Variants in CSMD1 observed in about 807,000 individuals in gnomAD.
CSMD1 encodes the protein CUB and Sushi multiple domains 1.
CSMD1 carries 213 observed loss-of-function variants against 417.5 expected under a neutral mutation model. The ratio of observed to expected loss-of-function variants is 0.51; its 90% CI spans 0.46 to 0.57. The LOEUF is 0.57. CSMD1 is among the 20% of genes least tolerant of loss of function. The probability of loss-of-function intolerance (pLI) is 0.00; values close to 1 mark genes in which losing one functional copy is unlikely to be tolerated. For missense variants in CSMD1, 6,923 were observed against 4,529.7 expected (o/e 1.53, Z -15.17); for synonymous variants, 2,862 against 1,736.8 (o/e 1.65, Z -16.11).
At chr8:4,252,165 G>A (rs1056789138) in intron 3 of CSMD1, among the ~76,000 whole-genome samples, 1 of 152,066 alleles carries the variant, frequency 6.6e-6, no homozygotes, top group African/African-American at 2.4e-5. Flanking sequence ...AGGATATATA[G>A]AAAGCTGGGG....
chr8:4,905,395 T>G (rs1805178199), intron 1 of CSMD1, among the ~76,000 whole-genome samples: 1 of 152,080 alleles, frequency 6.6e-6, no homozygotes, highest in African/African-American at 2.4e-5. Flanking sequence ...ATTTACACAG[T>G]GTATATTTAT....
At chr8:3,629,826 C>A (rs983213345) in intron 7 of CSMD1, among the ~76,000 whole-genome samples, 1 of 152,184 alleles carries the variant, frequency 6.6e-6, no homozygotes, top group Admixed American at 6.5e-5. Context: ...TTCGGTCCGT[C>A]AGAAACACAG....
intron 26 of CSMD1, among the ~76,000 whole-genome samples, chr8:3,248,220 C>A (rs183392462): frequency 6.6e-6 from 1 of 152,220 alleles, no homozygotes; most frequent in East Asian, 1.9e-4. Flanking sequence ...TCATTAAAAC[C>A]TTTACTGTAA....
chr8:3,520,890 C>A (rs1198493298), intron 10 of CSMD1, among the ~76,000 whole-genome samples: 1 of 152,146 alleles, frequency 6.6e-6, no homozygotes, highest in Non-Finnish European at 1.5e-5. Flanking sequence ...GTGTCTAGCA[C>A]TGGAACCTCC....
chr8:4,437,944 T>C (rs1338910667), intron 2 of CSMD1, among the ~76,000 whole-genome samples: 1 of 152,156 alleles, frequency 6.6e-6, no homozygotes, highest in African/African-American at 2.4e-5. Flanking sequence ...AGTAATTCTC[T>C]AAGTGTTTTC....
chr8:3,974,646 T>A (rs1418735004), intron 5 of CSMD1, among the ~76,000 whole-genome samples: 2 of 150,624 alleles, frequency 1.3e-5, no homozygotes, highest in African/African-American at 4.9e-5. Flanking sequence ...AAGAACTGTT[T>A]AAACTGCTTT....
Position 3,359,335 on chromosome 8 carries a change from C to G in CSMD1, c.3121G>C (p.Asp1041His), listed in dbSNP as rs772124084. ...CCAGGATCATCACATGGCTCCAGGT[C>G]ATATTCTGAGGCATGCAGAGACAGA... ...EGFNITFSEY[D>H]LEPCDDPGVP... The change falls in exon 21 of 70, where the codon GAC becomes CAC. Residue 1041 changes from aspartate to histidine, a missense_variant. Physicochemically the swap from Asp to His is moderately conservative, Grantham distance 81 (BLOSUM62 -1). Transcript: ENST00000635120. 1 of 1,608,744 alleles carries G rather than the reference C, an allele frequency of 6.2e-7. No homozygotes were observed. Among genetic ancestry groups the G allele is most frequent in the Non-Finnish European group, 8.5e-7 (1 of 1,177,346 alleles).
rs1268807091 is a variant in CSMD1, at chr8:3,240,980, G to A, written c.4154-10749C>T. On this transcript the variant is annotated intron_variant, in intron 26 of 69. Coordinates refer to ENST00000635120, the MANE Select transcript of CSMD1 (RefSeq NM_033225.6). ...GGATATTGGCATTGAGCAGGGTAAG[G>A]GTGATTAGTTTTTAATGAGATGATA... Among the ~76,000 whole-genome samples the A allele has an allele frequency of 2.6e-5, 4 of 151,430 alleles. No individual in the cohort carries two copies. The East Asian group carries it at 5.8e-4, about 22-fold the overall frequency.
intron 3 of CSMD1, among the ~76,000 whole-genome samples, chr8:4,077,306 T>C (rs887541684): frequency 3.5e-4 from 48 of 138,508 alleles, no homozygotes; most frequent in African/African-American, 1.3e-3. Flanking sequence ...TGTATATATA[T>C]ATATATATAT....
intron 3 of CSMD1, among the ~76,000 whole-genome samples, chr8:4,370,478 G>A (rs914236633): frequency 2.6e-5 from 4 of 152,082 alleles, no homozygotes. Flanking sequence ...CATTTGCATG[G>A]CAACTGTCCT....
At chr8:3,914,601 G>A (rs1045818087) in intron 5 of CSMD1, among the ~76,000 whole-genome samples, 3 of 152,094 alleles carry the variant, frequency 2.0e-5, no homozygotes, top group African/African-American at 4.8e-5. Flanking sequence ...TAAGAAAATA[G>A]TACCAGCTAG....
chr8:4,096,798 G>C (rs763385346), intron 3 of CSMD1, among the ~76,000 whole-genome samples: 1 of 152,172 alleles, frequency 6.6e-6, no homozygotes, highest in Non-Finnish European at 1.5e-5. Context: ...GCACTCCGAC[G>C]CTGTCTTCTG....
chr8:4,894,378 T>C (rs568110723), intron 1 of CSMD1, among the ~76,000 whole-genome samples: 1 of 152,132 alleles, frequency 6.6e-6, no homozygotes, highest in African/African-American at 2.4e-5. Flanking sequence ...GATAATTTAC[T>C]TTCATATTCT....
At chr8:4,269,580 G>A (rs1040337408) in intron 3 of CSMD1, among the ~76,000 whole-genome samples, 1 of 151,962 alleles carries the variant, frequency 6.6e-6, no homozygotes, top group African/African-American at 2.4e-5. Context: ...CCAATCTTTT[G>A]AAAGCATCCT....
chr8:4,067,782 G>A (rs1265552034), intron 3 of CSMD1, among the ~76,000 whole-genome samples: 1 of 152,046 alleles, frequency 6.6e-6, no homozygotes, highest in Non-Finnish European at 1.5e-5. Context: ...CCTGTAAACA[G>A]AATTACTAAA....
intron 31 of CSMD1, among the ~76,000 whole-genome samples, chr8:3,203,061 G>A (rs144319065): frequency 2.4e-4 from 36 of 152,206 alleles, no homozygotes; most frequent in African/African-American, 7.9e-4. Context: ...GGTCACAAAA[G>A]TGAATCATCC....
At chr8:4,884,690 G>A (rs1027734626) in intron 1 of CSMD1, among the ~76,000 whole-genome samples, 3 of 152,100 alleles carry the variant, frequency 2.0e-5, no homozygotes, top group Admixed American at 2.0e-4. Flanking sequence ...AAAAATAAGG[G>A]TTTATTTTTG....
At chr8:4,408,647 G>C (rs927561889) in intron 3 of CSMD1, among the ~76,000 whole-genome samples, 3 of 152,136 alleles carry the variant, frequency 2.0e-5, no homozygotes, top group African/African-American at 7.2e-5. Context: ...ACCATTTCAA[G>C]TTGATCAATT....
chr8:4,624,698 A>G (rs748841675), intron 2 of CSMD1, among the ~76,000 whole-genome samples: 1 of 152,062 alleles, frequency 6.6e-6, no homozygotes, highest in Non-Finnish European at 1.5e-5. Flanking sequence ...CAAGCTCACA[A>G]GAATGTATTT....
Sources: allele counts gnomAD v4.1 joint callset (sites outside exome capture counted in the v4.1 genomes callset), GRCh38; gene constraint gnomAD v4.1.1; transcripts MANE v1.5; gene names NCBI Gene and HGNC (gene_info 2026-07-23, HGNC 2026-07-21).